The following ZNF441 variants were observed in gnomAD, a reference collection of about 807,000 sequenced individuals.
The protein encoded by ZNF441 is zinc finger protein 441.
Under a neutral mutation model 64.5 loss-of-function variants are expected in ZNF441, and 25 were observed. The ratio of observed to expected loss-of-function variants is 0.39; its 90% confidence interval spans 0.28 to 0.54. The LOEUF (loss-of-function observed/expected upper bound fraction) is 0.54, where lower values mean the gene tolerates loss of function less well. Among genes scored for constraint, ZNF441 ranks in the 20% least tolerant of loss-of-function variants. The pLI, the probability that ZNF441 is intolerant of heterozygous loss-of-function variation, is 0.70. For missense variants in ZNF441, 715 were observed against 843.3 expected (o/e 0.85, Z 1.88); for synonymous variants, 262 against 268.0 (o/e 0.98, Z 0.22).
intron 3 of ZNF441, 35 bp from the exon 4 acceptor site, chr19:11,779,980 TAAAC>T: frequency 6.8e-7 from 1 of 1,461,992 alleles, no homozygotes; most frequent in Non-Finnish European, 9.3e-7. Flanking sequence ...AAATCATTTA[TAAAC>T]AAACCTTTAC....
At chr19:11,777,538 G>A in intron 1 of ZNF441, 73 bp from the exon 2 acceptor site, 1 of 1,531,028 alleles carries the variant, frequency 6.5e-7, no homozygotes, top group African/African-American at 1.4e-5. Context: ...TCATGTGAAG[G>A]TTATGAAGTG....
rs1437536456 is a variant in ZNF441, at chr19:11,778,321, A to G, written c.131-9A>G. ...AATTTATAGTCATTTTTCTGGTTCTAACTTTTAGGAATGATATGGCAAAAT... is the reference window on the plus strand; with the variant it reads ...AATTTATAGTCATTTTTCTGGTTCTGACTTTTAGGAATGATATGGCAAAAT... On this transcript the variant is annotated splice_polypyrimidine_tract_variant and intron_variant, in intron 2 of 3. Coordinates refer to ENST00000357901, the MANE Select transcript of ZNF441 (RefSeq NM_152355.3). 30 of 1,524,672 alleles carry G rather than the reference A, an allele frequency of 2.0e-5. No homozygotes were observed. Among genetic ancestry groups the G allele is most frequent in the Non-Finnish European group, 1.7e-5 (19 of 1,130,352 alleles). The allele number at this position is 1,524,672 out of a possible 1,614,324, so 94.4% of individuals were successfully genotyped here.
chr19:11,773,464 T>C (rs1169946817), intron 1 of ZNF441, among the ~76,000 whole-genome samples: 1 of 152,230 alleles, frequency 6.6e-6, no homozygotes, highest in African/African-American at 2.4e-5. Context: ...CAATTAAATC[T>C]AGTTGATTAA....
At chr19:11,778,239 A>G in intron 2 of ZNF441, 91 bp from the exon 3 acceptor site, 1 of 889,484 alleles carries the variant, frequency 1.1e-6, no homozygotes, top group Non-Finnish European at 1.8e-6. Flanking sequence ...TTGGTGTGTG[A>G]ATCATGCATG....
At chr19:11,777,394 G>A (rs572737747) in intron 1 of ZNF441, among the ~76,000 whole-genome samples, 5 of 152,304 alleles carry the variant, frequency 3.3e-5, no homozygotes, top group South Asian at 4.1e-4. Flanking sequence ...AACAAGAGGC[G>A]TGTTCCTATT....
In ZNF441 at chr19:11,781,083, A is replaced by G; in HGVS notation, c.1259A>G (p.Lys420Arg). The G allele has an allele frequency of 6.2e-7, 1 of 1,613,964 alleles. No homozygotes were observed. The highest frequency in any genetic ancestry group is 8.5e-7 in the Non-Finnish European group (1 of 1,179,986). The change falls in exon 4 of 4, where the codon AAA (lysine) becomes AGA (arginine). Residue 420 changes from lysine (K) to arginine (R), a missense_variant. By Grantham distance (26) the Lys-to-Arg change is conservative (BLOSUM62 2). Coordinates refer to ENST00000357901, the MANE Select transcript of ZNF441 (RefSeq NM_152355.3). ...ETTHTGEKPY[K>R]CKQCGKAFIC... ...ACTCACACTGGAGAGAAGCCATATA[A>G]ATGTAAACAATGTGGAAAAGCCTTC...
chr19:11,782,007 T>C lies in ZNF441; in HGVS notation c.*101T>C. 1 of 1,008,592 alleles carries C rather than the reference T, an allele frequency of 9.9e-7. No individual in the cohort carries two copies. Among genetic ancestry groups the C allele is most frequent in the Non-Finnish European group, 1.4e-6 (1 of 733,430 alleles). 62.5% of individuals were successfully genotyped at this position (1,008,592 alleles called of 1,614,324 possible). ...CACACTGAAAAAAGTTGTATGAATATAAAAATGTACTAAAACCTTCCATTT... is the reference window on the plus strand; with the variant it reads ...CACACTGAAAAAAGTTGTATGAATACAAAAATGTACTAAAACCTTCCATTT... On this transcript the variant is annotated 3_prime_UTR_variant, in exon 4 of 4. Transcript: ENST00000357901.
rs1568481999 is a variant in ZNF441, at chr19:11,781,153, G to T, written c.1329G>T (p.Gly443=). 6.2e-7 allele frequency: 1 copy of T among 1,613,606 alleles called. No homozygotes were observed. The highest frequency in any genetic ancestry group is 1.1e-5 in the South Asian group (1 of 91,072). ...YLQIHERIHT[G]ERPYKCKQCG... is the part of the protein sequence containing the mutation. ...AAATACATGAAAGAATTCACACTGG[G>T]GAGAGACCCTATAAATGTAAACAAT... Residue 443 remains glycine (G), a synonymous_variant, in exon 4 of 4, where the codon GGG becomes GGT. Transcript: ENST00000357901.
In ZNF441 at chr19:11,780,816, C is replaced by G; in HGVS notation, c.992C>G (p.Thr331Ser). 1 of 1,614,144 alleles carries G rather than the reference C, an allele frequency of 6.2e-7. No individual in the cohort carries two copies. The highest frequency in any genetic ancestry group is 8.5e-7 in the Non-Finnish European group (1 of 1,180,034). Residue 331 changes from threonine to serine, a missense_variant, in exon 4 of 4, where the codon ACT becomes AGT. Thr to Ser is a moderately conservative substitution (Grantham distance 58). Transcript: ENST00000357901. ...GTTCGAAGACATAAAAGAACTCACA[C>G]TGGAGAGAAACCGTATGAATGTAAG... Reference protein sequence around the residue: ...SSVRRHKRTHTGEKPYECKYC... With the variant: ...SSVRRHKRTHSGEKPYECKYC...
At chr19:11,775,530 C>T (rs1193995404) in intron 1 of ZNF441, among the ~76,000 whole-genome samples, 2 of 151,662 alleles carry the variant, frequency 1.3e-5, no homozygotes, top group Non-Finnish European at 2.9e-5. Context: ...GGGGTTTCAC[C>T]GTGTTAGCTA....
In ZNF441 at chr19:11,780,446, C is replaced by A. The variant is rs745438340; in HGVS notation, c.622C>A (p.Pro208Thr). The change falls in exon 4 of 4, where the codon CCT becomes ACT. Residue 208 changes from proline to threonine, a missense_variant. This residue lies in a region of ZNF441 where 399 missense variants were observed against 413.9 expected (regional missense o/e 0.96). Coordinates refer to ENST00000357901, the MANE Select transcript of ZNF441 (RefSeq NM_152355.3). Reference sequence around the variant, plus strand: ...GTTGTGTGGAAACGCCTTTATTTGGCCTAGTTTATTTCATATGCTTAGAAG... The same window carrying A: ...GTTGTGTGGAAACGCCTTTATTTGGACTAGTTTATTTCATATGCTTAGAAG... Reference protein sequence around the residue: ...CKLCGNAFIWPSLFHMLRRTH... With the variant: ...CKLCGNAFIWTSLFHMLRRTH... The A allele has an allele frequency of 2.6e-5, 42 of 1,614,012 alleles. No individual in the cohort carries two copies. The highest frequency in any genetic ancestry group is 3.4e-5 in the Non-Finnish European group (40 of 1,180,026).
chr19:11,775,352 T>A (rs1432918609), intron 1 of ZNF441, among the ~76,000 whole-genome samples: 1 of 152,130 alleles, frequency 6.6e-6, no homozygotes, highest in Non-Finnish European at 1.5e-5. Context: ...TTTTTTGAGA[T>A]GGAGTCTCGC....
At position 11,784,005 on chromosome 19, in the gene ZNF441, A is replaced by G. The variant is rs912356902; in HGVS notation, c.*2099A>G. On this transcript the variant is annotated 3_prime_UTR_variant, in exon 4 of 4. Coordinates refer to ENST00000357901, the MANE Select transcript of ZNF441 (RefSeq NM_152355.3). Reference sequence around the variant, plus strand: ...ATTACACATTCTATGCATGCAAGAAATGCTCATGTGTACCTTATATATATG... The same window carrying G: ...ATTACACATTCTATGCATGCAAGAAGTGCTCATGTGTACCTTATATATATG... The G allele has an allele frequency of 5.9e-5, 9 of 152,230 alleles. No homozygotes were observed. Among genetic ancestry groups the G allele is most frequent in the African/African-American group, 1.9e-4 (8 of 41,466 alleles). 9.4% of individuals were successfully genotyped at this position (152,230 alleles called of 1,614,324 possible). A position where few individuals can be genotyped will look rare whatever the true frequency, so the allele number is the denominator to read the frequency against.
intron 1 of ZNF441, among the ~76,000 whole-genome samples, chr19:11,772,975 T>A (rs1975326554): frequency 6.6e-6 from 1 of 152,164 alleles, no homozygotes; most frequent in South Asian, 2.1e-4. Context: ...GTATTTTTAG[T>A]AGAGACAGGG....
At chr19:11,770,516 G>A (rs115209825) in intron 1 of ZNF441, among the ~76,000 whole-genome samples, 2,150 of 152,226 alleles carry the variant, frequency 0.014, 48 homozygotes, top group African/African-American at 0.05. Context: ...TTCCATAAGT[G>A]TTTTCCAGAA....
Position 11,780,097 on chromosome 19 carries a change from T to C in ZNF441, c.273T>C (p.Ser91=), listed in dbSNP as rs749312417. 1.6e-5 allele frequency: 26 copies of C among 1,613,978 alleles called. No individual in the cohort carries two copies. The highest frequency in any genetic ancestry group is 1.2e-4 in the Admixed American group (7 of 59,986). ...GACCCTTTACCCAGACTCAAGACAGTATTGTGAACGAGAAAATACCTGGAG... is the reference window on the plus strand; with the variant it reads ...GACCCTTTACCCAGACTCAAGACAGCATTGTGAACGAGAAAATACCTGGAG... The part of the protein sequence containing the change: ...CGGPFTQTQD[S]IVNEKIPGVD... The change falls in exon 4 of 4, where the codon AGT becomes AGC. Residue 91 remains serine (S), a synonymous_variant. Coordinates refer to ENST00000357901, the MANE Select transcript of ZNF441 (RefSeq NM_152355.3).
intron 1 of ZNF441, among the ~76,000 whole-genome samples, chr19:11,775,976 A>G (rs1231435246): frequency 6.6e-6 from 1 of 152,068 alleles, no homozygotes; most frequent in African/African-American, 2.4e-5. Flanking sequence ...TTTTATTCCC[A>G]GGACTTAGAT....
At position 11,781,879 on chromosome 19, in the gene ZNF441, C is replaced by T; in HGVS notation, c.2055C>T (p.Ser685=). ...ECGEAFHCIS[S]FHKHEMTH is the part of the protein sequence containing the mutation. ...GGGAAGCATTTCATTGTATCAGTTC[C>T]TTTCATAAACATGAAATGACTCACT... The change falls in exon 4 of 4, where the codon TCC becomes TCT. Residue 685 remains serine, a synonymous_variant. Transcript: ENST00000357901. The T allele has an allele frequency of 5.0e-6, 8 of 1,595,756 alleles. No individual in the cohort carries two copies. Among genetic ancestry groups the T allele is most frequent in the Non-Finnish European group, 6.8e-6 (8 of 1,169,074 alleles).
chr19:11,771,233 A>G (rs1424093377), intron 1 of ZNF441, among the ~76,000 whole-genome samples: 1 of 152,214 alleles, frequency 6.6e-6, no homozygotes, highest in Non-Finnish European at 1.5e-5. Context: ...AAGGACCTCA[A>G]AGGAGTATTA....
Sources: allele counts gnomAD v4.1 joint callset (sites outside exome capture counted in the v4.1 genomes callset), GRCh38; gene constraint gnomAD v4.1.1; regional missense constraint gnomAD v4.1.1; transcripts MANE v1.5; gene names NCBI Gene and HGNC (gene_info 2026-07-23, HGNC 2026-07-21).